Variants in NUP188 observed in about 807,000 individuals in gnomAD.
The protein encoded by NUP188 is nucleoporin 188.
A neutral mutation model predicts 223.0 loss-of-function variants in NUP188; 97 were observed. That is an observed-to-expected ratio of 0.43 (90% CI 0.37 to 0.51). The LOEUF (loss-of-function observed/expected upper bound fraction) is 0.51, where lower values mean the gene tolerates loss of function less well. Among genes scored for constraint, NUP188 ranks in the 20% least tolerant of loss-of-function variants. The pLI, the probability that NUP188 is intolerant of heterozygous loss-of-function variation, is 0.00. For synonymous variants in NUP188, 869 were observed against 828.0 expected (o/e 1.05, Z -0.85); for missense variants, 1,947 against 2,175.6 (o/e 0.89, Z 2.09).
intron 41 of NUP188, 35 bp downstream of exon 41, chr9:129,005,811 C>A (rs1588298453): frequency 1.3e-6 from 2 of 1,554,714 alleles, no homozygotes; most frequent in South Asian, 2.5e-5. Flanking sequence ...TCCTCTCCCC[C>A]CGGCTCCTCC....
chr9:128,998,187 C>G lies in NUP188; in HGVS notation c.3388C>G (p.Arg1130Gly), dbSNP rs750774292. The change falls in exon 31 of 44, where the codon CGC becomes GGC. Residue 1130 changes from arginine to glycine, a missense_variant. By Grantham distance (125) the Arg-to-Gly change is moderately radical. Transcript: ENST00000372577. Reference sequence around the variant, plus strand: ...GCACCTGACTGACTCTGTGGTGCGTCGCCAGCTCTTTCTTGACGTGCTTGA... The same window carrying G: ...GCACCTGACTGACTCTGTGGTGCGTGGCCAGCTCTTTCTTGACGTGCTTGA... ...IMHLTDSVVR[R>G]QLFLDVLDGT... is the part of the protein sequence containing the mutation. 10 of 1,614,010 alleles carry G rather than the reference C, an allele frequency of 6.2e-6. No individual in the cohort carries two copies. The highest frequency in any genetic ancestry group is 7.6e-6 in the Non-Finnish European group (9 of 1,179,876).
chr9:128,961,699 A>G (rs1194122655), intron 8 of NUP188, among the ~76,000 whole-genome samples: 1 of 147,238 alleles, frequency 6.8e-6, no homozygotes, highest in Non-Finnish European at 1.5e-5. Context: ...TTGGCTCACC[A>G]CAACCTCCGC....
At chr9:128,954,601 G>T (rs1323502415) in intron 3 of NUP188, among the ~76,000 whole-genome samples, 1 of 151,484 alleles carries the variant, frequency 6.6e-6, no homozygotes, top group African/African-American at 2.4e-5. Context: ...CGCCAGGATG[G>T]TCTCAATCTC....
At chr9:128,998,386 CT>C in intron 31 of NUP188, 151 bp from the exon 32 acceptor site, 1 of 939,558 alleles carries the variant, frequency 1.1e-6, no homozygotes, top group South Asian at 1.4e-5. Flanking sequence ...CAGCAGAGCT[CT>C]GCTGCTGCCA....
intron 14 of NUP188, among the ~76,000 whole-genome samples, chr9:128,980,978 TA>T (rs1842245862): frequency 2.0e-5 from 3 of 152,208 alleles, no homozygotes; most frequent in African/African-American, 7.2e-5. Flanking sequence ...AGTTACTAGA[TA>T]TAAGAAATAA....
chr9:128,956,482 G>T (rs368629269), intron 4 of NUP188, 48 bp downstream of exon 4: 8 of 979,726 alleles, frequency 8.2e-6, no homozygotes, highest in African/African-American at 1.7e-5. Flanking sequence ...CAGTGTGGAT[G>T]TGCGTGGTTA....
intron 12 of NUP188, among the ~76,000 whole-genome samples, chr9:128,976,949 G>A (rs1170200863): frequency 1.3e-5 from 2 of 151,848 alleles, no homozygotes; most frequent in Non-Finnish European, 2.9e-5. Flanking sequence ...GTGGTGGCGC[G>A]CACGTGTAGT....
intron 12 of NUP188, among the ~76,000 whole-genome samples, 182 bp downstream of exon 12, chr9:128,973,431 G>A (rs1461779871): frequency 6.6e-6 from 1 of 151,992 alleles, no homozygotes; most frequent in Non-Finnish European, 1.5e-5. Flanking sequence ...CCCCCAGGCT[G>A]GAGTGTGGTG....
chr9:128,979,209 TA>T, intron 12 of NUP188, 52 bp from the exon 13 acceptor site: 1 of 1,294,164 alleles, frequency 7.7e-7, no homozygotes, highest in Non-Finnish European at 1.1e-6. Flanking sequence ...ATAATAAAGA[TA>T]GACTGGTTCA....
chr9:128,947,712 G>A lies in NUP188; in HGVS notation c.-8G>A. ...GGGGGCGGGGTTAGGGCGAGCGGGC[G>A]CGCGAAGATGGCGGCGGCCGCCGGC... is the stretch of plus-strand genomic sequence containing the variant. On this transcript the variant is annotated 5_prime_UTR_variant, in exon 1 of 44. Coordinates refer to ENST00000372577, the MANE Select transcript of NUP188 (RefSeq NM_015354.3). 2.0e-6 allele frequency: 3 copies of A among 1,470,538 alleles called. No individual in the cohort carries two copies. Among genetic ancestry groups the A allele is most frequent in the Admixed American group, 2.4e-5 (1 of 41,136 alleles). 91.1% of individuals were successfully genotyped at this position (1,470,538 alleles called of 1,614,324 possible).
chr9:128,973,879 C>T (rs1842136209), intron 12 of NUP188, among the ~76,000 whole-genome samples: 2 of 152,014 alleles, frequency 1.3e-5, no homozygotes, highest in African/African-American at 2.4e-5. Context: ...AATGGATTTA[C>T]TATTTTTAAA....
intron 12 of NUP188, among the ~76,000 whole-genome samples, chr9:128,973,868 C>T (rs1842136125): frequency 6.6e-6 from 1 of 152,070 alleles, no homozygotes; most frequent in African/African-American, 2.4e-5. Flanking sequence ...AATTGAACAA[C>T]AATGGATTTA....
intron 16 of NUP188, 61 bp downstream of exon 16, chr9:128,982,762 T>G: frequency 6.3e-7 from 1 of 1,595,994 alleles, no homozygotes; most frequent in Non-Finnish European, 8.6e-7. Context: ...CTTGGAGGAT[T>G]TAGAAAATAG....
chr9:128,977,663 G>C (rs536740256), intron 12 of NUP188, among the ~76,000 whole-genome samples: 1 of 152,076 alleles, frequency 6.6e-6, no homozygotes, highest in Admixed American at 6.6e-5. Flanking sequence ...GCTGGGCGTG[G>C]TGGTGGGCAC....
intron 25 of NUP188, 41 bp downstream of exon 25, chr9:128,990,267 G>C: frequency 6.7e-7 from 1 of 1,501,560 alleles, no homozygotes; most frequent in Non-Finnish European, 9.3e-7. Context: ...TTATATGAGG[G>C]TGTTTTTTTC....
chr9:128,965,977 A>G (rs1842021535), intron 8 of NUP188, among the ~76,000 whole-genome samples: 1 of 151,000 alleles, frequency 6.6e-6, no homozygotes, highest in Non-Finnish European at 1.5e-5. Flanking sequence ...TTGTATTTTT[A>G]GTAGAGATGG....
chr9:128,986,500 G>T, intron 20 of NUP188, 58 bp from the exon 21 acceptor site: 2 of 1,565,302 alleles, frequency 1.3e-6, no homozygotes, highest in Admixed American at 3.7e-5. Flanking sequence ...AAATCTCTAG[G>T]TAACTAAATG....
At chr9:128,982,812 T>C (rs1384892673) in intron 16 of NUP188, 90 bp from the exon 17 acceptor site, 1 of 1,590,478 alleles carries the variant, frequency 6.3e-7, no homozygotes, top group Non-Finnish European at 8.6e-7. Context: ...GATTGTGATT[T>C]GTCTGATTTG....
chr9:128,961,309 G>A (rs1024020012), intron 8 of NUP188, among the ~76,000 whole-genome samples: 35 of 149,640 alleles, frequency 2.3e-4, no homozygotes, highest in African/African-American at 7.2e-4. Flanking sequence ...CAGCCTAGGC[G>A]ACAGAGCAAG....
Sources: gnomAD v4.1 joint callset for allele counts (sites outside exome capture counted in the v4.1 genomes callset) on GRCh38, gnomAD v4.1.1 for gene constraint, MANE v1.5 for transcripts, NCBI Gene and HGNC (gene_info 2026-07-23, HGNC 2026-07-21) for gene names.